The following DOP1A variants were observed in gnomAD, a reference collection of about 807,000 sequenced individuals.
DOP1A encodes DOP1 leucine zipper like protein A.
Under a neutral mutation model 267.6 loss-of-function variants are expected in DOP1A, and 90 were observed. The observed-to-expected ratio is 0.34, with a 90% confidence interval of 0.28 to 0.40. The LOEUF (loss-of-function observed/expected upper bound fraction) is 0.40. DOP1A is among the 10% of genes least tolerant of loss of function. The probability of loss-of-function intolerance (pLI) is 1.00; values close to 1 mark genes in which losing one functional copy is unlikely to be tolerated. For synonymous variants in DOP1A, 932 were observed against 999.1 expected (o/e 0.93, Z 1.27); for missense variants, 2,437 against 2,900.4 (o/e 0.84, Z 3.67).
chr6:83,137,715 C>T lies in DOP1A; in HGVS notation c.3673C>T (p.His1225Tyr), dbSNP rs1158614325. The part of the protein sequence containing the change: ...QFLSVSAEGG[H>Y]ECVANGISRN... ...TCTGTCTGTGTCTGCAGAGGGAGGC[C>T]ATGAGTGTGTGGCAAATGGAATCTC... The change falls in exon 21 of 39, where the codon CAT becomes TAT. Residue 1225 changes from histidine to tyrosine, a missense_variant. Coordinates refer to ENST00000349129, the MANE Select transcript of DOP1A (RefSeq NM_015018.4). 2.5e-6 allele frequency: 4 copies of T among 1,613,440 alleles called. No homozygotes were observed. Among genetic ancestry groups the T allele is most frequent in the Non-Finnish European group, 2.5e-6 (3 of 1,179,780 alleles).
chr6:83,142,125 A>G, intron 24 of DOP1A, 79 bp downstream of exon 24: 3 of 1,532,246 alleles, frequency 2.0e-6, no homozygotes, highest in Non-Finnish European at 2.7e-6. Flanking sequence ...CATATATTGC[A>G]GTGGGGCCGG....
At chr6:83,144,769 GAACAT>G (rs1326574478) in intron 24 of DOP1A, among the ~76,000 whole-genome samples, 2 of 152,012 alleles carry the variant, frequency 1.3e-5, no homozygotes, top group African/African-American at 4.8e-5. Context: ...TAATGGAAAA[GAACAT>G]AAAGAGTTGA....
In DOP1A at chr6:83,110,278, T is replaced by A; in HGVS notation, c.645T>A (p.Asp215Glu). Residue 215 changes from aspartate (D) to glutamate (E), a missense_variant, in exon 6 of 39, where the codon GAT becomes GAA. By Grantham distance (45) the Asp-to-Glu change is conservative. Coordinates refer to ENST00000349129, the MANE Select transcript of DOP1A (RefSeq NM_015018.4). ...AHLNRKLSMEDQLYIIGSDIE... is the reference protein window; with the variant it reads ...AHLNRKLSMEEQLYIIGSDIE... Reference sequence around the variant, plus strand: ...TAAACAGGAAGCTTTCTATGGAAGATCAACTTTATATAATTGGCAGTGATA... The same window carrying A: ...TAAACAGGAAGCTTTCTATGGAAGAACAACTTTATATAATTGGCAGTGATA... 1 of 1,613,838 alleles carries A rather than the reference T, an allele frequency of 6.2e-7. No individual in the cohort carries two copies. Among genetic ancestry groups the A allele is most frequent in the South Asian group, 1.1e-5 (1 of 91,010 alleles).
Position 83,071,714 on chromosome 6 carries a change from A to T in DOP1A, c.-147+3935A>T, listed in dbSNP as rs931988156. Among the ~76,000 whole-genome samples, 14 of 152,022 alleles carry T rather than the reference A, an allele frequency of 9.2e-5. No individual in the cohort carries two copies. The East Asian group carries it at 1.2e-3, about 13-fold the overall frequency. On this transcript the variant is annotated intron_variant, in intron 1 of 38. Coordinates refer to ENST00000349129, the MANE Select transcript of DOP1A (RefSeq NM_015018.4). Reference sequence around the variant, plus strand: ...CTACAATTACCTTAAAAAATATAGTAAAAAAAGTTACTTTAAAAAATAGTA... The same window carrying T: ...CTACAATTACCTTAAAAAATATAGTTAAAAAAGTTACTTTAAAAAATAGTA...
At chr6:83,144,580 C>G (rs1167316649) in intron 24 of DOP1A, among the ~76,000 whole-genome samples, 1 of 151,994 alleles carries the variant, frequency 6.6e-6, no homozygotes, top group Non-Finnish European at 1.5e-5. Context: ...CAAAAATAAT[C>G]ATGTGAACAT....
At chr6:83,166,731 G>C (rs1328629975) in intron 38 of DOP1A, 1 of 1,173,378 alleles carries the variant, frequency 8.5e-7, no homozygotes, top group Non-Finnish European at 1.1e-6. Context: ...CAATAAGCTT[G>C]AGAGCACATA....
At chr6:83,109,233 G>A (rs1489011191) in intron 5 of DOP1A, among the ~76,000 whole-genome samples, 153 bp downstream of exon 5, 1 of 152,138 alleles carries the variant, frequency 6.6e-6, no homozygotes, top group Admixed American at 6.5e-5. Context: ...CATTATTATA[G>A]TTTATCTAGT....
At chr6:83,167,724 G>A (rs1786127052) in intron 38 of DOP1A, 138 bp from the exon 39 acceptor site, 1 of 1,415,780 alleles carries the variant, frequency 7.1e-7, no homozygotes. Flanking sequence ...CAAGGGTTTT[G>A]ATCAGGTCAG....
intron 16 of DOP1A, 56 bp downstream of exon 16, chr6:83,129,564 T>A (rs1777706128): frequency 7.3e-7 from 1 of 1,376,056 alleles, no homozygotes; most frequent in Admixed American, 2.8e-5. Flanking sequence ...ATGTTTTTTC[T>A]TTTTAAAAGA....
intron 11 of DOP1A, 46 bp downstream of exon 11, chr6:83,122,096 T>G: frequency 6.3e-7 from 1 of 1,596,300 alleles, no homozygotes; most frequent in Non-Finnish European, 8.5e-7. Flanking sequence ...ATAATATGTA[T>G]TCACTTAATA....
At position 83,138,322 on chromosome 6, in the gene DOP1A, G is replaced by T. The variant is rs147808406; in HGVS notation, c.4280G>T (p.Arg1427Leu). Residue 1427 changes from arginine to leucine, a missense_variant, in exon 21 of 39, where the codon CGG (arginine) becomes CTG (leucine). Physicochemically the swap from Arg to Leu is moderately radical, Grantham distance 102. Around this residue, in one of 9 missense-constraint regions of DOP1A, gnomAD observed 878 missense variants for 992.9 expected, o/e 0.88. Coordinates refer to ENST00000349129, the MANE Select transcript of DOP1A (RefSeq NM_015018.4). ...SLLQNLLARHRISVMGKDFYS... is the reference protein window; with the variant it reads ...SLLQNLLARHLISVMGKDFYS... The stretch of plus-strand genomic sequence containing the variant: ...CTTCAGAATCTATTGGCCAGACACC[G>T]GATTTCTGTTATGGGCAAAGATTTT... 6.2e-7 allele frequency: 1 copy of T among 1,612,102 alleles called. No homozygotes were observed. The highest frequency in any genetic ancestry group is 8.5e-7 in the Non-Finnish European group (1 of 1,179,890).
downstream of DOP1A, chr6:83,169,031 A>T (rs1786490759): frequency 7.3e-7 from 1 of 1,364,324 alleles, no homozygotes; most frequent in South Asian, 1.8e-5. Context: ...CTGAAATTAG[A>T]GGTAAATTTC....
chr6:83,076,642 A>T (rs1767145086), intron 1 of DOP1A, among the ~76,000 whole-genome samples: 2 of 152,206 alleles, frequency 1.3e-5, no homozygotes, highest in African/African-American at 4.8e-5. Flanking sequence ...GATGTAGGGA[A>T]ATTAGAAACT....
intron 12 of DOP1A, 64 bp from the exon 13 acceptor site, chr6:83,124,641 A>C: frequency 8.7e-7 from 1 of 1,146,102 alleles, no homozygotes; most frequent in Non-Finnish European, 1.3e-6. Context: ...AAGGATGATG[A>C]TGCTGTCACA....
chr6:83,103,094 TTTATTA>T (rs918914524), intron 4 of DOP1A, among the ~76,000 whole-genome samples: 29 of 152,220 alleles, frequency 1.9e-4, no homozygotes, highest in African/African-American at 5.1e-4. Context: ...TAGGTAGGTT[TTTATTA>T]TTATTATTAT....
chr6:83,148,897 A>C (rs1375866243), intron 27 of DOP1A, 34 bp downstream of exon 27: 5 of 1,296,820 alleles, frequency 3.9e-6, no homozygotes, highest in Non-Finnish European at 5.2e-6. Context: ...TTTCAAATAA[A>C]AGGATAATGT....
downstream of DOP1A, chr6:83,168,647 G>T: frequency 1.0e-6 from 1 of 995,910 alleles, no homozygotes. Flanking sequence ...ACTGAAGGCT[G>T]GACCATGCAT....
chr6:83,092,567 C>A (rs1392036241), intron 1 of DOP1A, among the ~76,000 whole-genome samples: 5 of 118,778 alleles, frequency 4.2e-5, no homozygotes, highest in East Asian at 3.0e-4. Context: ...CCCCCCCCCC[C>A]CACCATATTC....
At chr6:83,103,728 G>A (rs762499431) in intron 4 of DOP1A, among the ~76,000 whole-genome samples, 1 of 151,892 alleles carries the variant, frequency 6.6e-6, no homozygotes, top group Non-Finnish European at 1.5e-5. Context: ...TTTTCTTAAC[G>A]ACTTAACTTT....
Sources: allele counts gnomAD v4.1 joint callset (sites outside exome capture counted in the v4.1 genomes callset), GRCh38; gene constraint gnomAD v4.1.1; regional missense constraint gnomAD v4.1.1; transcripts MANE v1.5; gene names NCBI Gene and HGNC (gene_info 2026-07-23, HGNC 2026-07-21).